The following PTPRN2 variants were observed in gnomAD, a reference collection of about 807,000 sequenced individuals.
PTPRN2 encodes the protein receptor-type tyrosine-protein phosphatase N2.
In PTPRN2, 74 loss-of-function variants were observed where a neutral mutation model predicts 118.8. The ratio of observed to expected loss-of-function variants is 0.62; its 90% CI spans 0.52 to 0.76. The LOEUF (loss-of-function observed/expected upper bound fraction) is 0.76, where lower values mean the gene tolerates loss of function less well. Among genes scored for constraint, PTPRN2 ranks in the 30% least tolerant of loss-of-function variants. The probability of loss-of-function intolerance (pLI) is 0.00; values close to 1 mark genes in which losing one functional copy is unlikely to be tolerated. For synonymous variants in PTPRN2, 641 were observed against 608.0 expected (o/e 1.05, Z -0.80); for missense variants, 1,481 against 1,394.4 (o/e 1.06, Z -0.99).
At chr7:158,459,210 T>A (rs542524469) in intron 2 of PTPRN2, among the ~76,000 whole-genome samples, 18 of 91,002 alleles carry the variant, frequency 2.0e-4, no homozygotes, top group African/African-American at 5.9e-4. Context: ...CAAGCACACA[T>A]GCATGCTGCA....
chr7:157,927,246 G>A (rs74670293), intron 11 of PTPRN2, among the ~76,000 whole-genome samples: 1,707 of 32,110 alleles, frequency 0.053, 559 homozygotes, highest in Middle Eastern at 0.083. Context: ...CAGAGGCCTC[G>A]CGTCTTCTGG....
rs1187190549 is a variant in PTPRN2 at position 157,986,259 on chromosome 7, A to G, written c.1724-87522T>C. ...ACGAGTCACTGTTGGATGTGAGGCA[A>G]CGTGAAGGCTCCACCACTAGGACCC... is the stretch of plus-strand genomic sequence containing the variant. On this transcript the variant is annotated intron_variant, in intron 11 of 22. Coordinates refer to ENST00000389418, the MANE Select transcript of PTPRN2 (RefSeq NM_002847.5). The surrounding 1 kb of genome is among the most constrained non-coding windows in gnomAD (Gnocchi z 4.5). 1.3e-5 allele frequency among the ~76,000 whole-genome samples: 2 copies of G among 152,200 alleles called. No homozygotes were observed. Among genetic ancestry groups the G allele is most frequent in the African/African-American group, 2.4e-5 (1 of 41,448 alleles).
chr7:158,183,106 C>A (rs1824853104), intron 5 of PTPRN2, among the ~76,000 whole-genome samples: 1 of 152,160 alleles, frequency 6.6e-6, no homozygotes, highest in Admixed American at 6.5e-5. Context: ...TATTAGAATG[C>A]TCCTGCTCAC....
In PTPRN2 at chr7:158,155,194, A is replaced by G. The variant is rs75231583; in HGVS notation, c.910+11737T>C. Among the ~76,000 whole-genome samples the G allele has an allele frequency of 9.1e-3, 1,393 of 152,336 alleles. 27 individuals carry two copies. Among genetic ancestry groups the G allele is most frequent in the African/African-American group, 0.031 (1,299 of 41,578 alleles). ...AAGAGATCAGCTCACATGACTCTGC[A>G]TTCTCAACTGCCACAGCCAGGCCTA... On this transcript the variant is annotated intron_variant, in intron 6 of 22. Coordinates refer to ENST00000389418, the MANE Select transcript of PTPRN2 (RefSeq NM_002847.5).
At chr7:158,333,925 TCTCAC>T (rs1805045857) in intron 2 of PTPRN2, among the ~76,000 whole-genome samples, 2 of 121,230 alleles carry the variant, frequency 1.6e-5, no homozygotes, top group Non-Finnish European at 3.4e-5. Context: ...ACACCCACAC[TCTCAC>T]CATAAGAGCT....
In PTPRN2 at chr7:158,332,326, GAGCTGAGGCCCACAGAGGACACTC is replaced by G. The variant is rs1804643906; in HGVS notation, c.164-15418_164-15395del. ...ACTCACACCCACACTCTCACCATAAGAGCTGAGGCCCACAGAGGACACTCACACCCACACTCTCACCATAAGAGG... is the reference window on the plus strand; with the variant it reads ...ACTCACACCCACACTCTCACCATAAGACACCCACACTCTCACCATAAGAGG... On this transcript the variant is annotated intron_variant, in intron 2 of 22. Transcript: ENST00000389418. 1.9e-4 allele frequency among the ~76,000 whole-genome samples: 9 copies of G among 47,864 alleles called. No homozygotes were observed. The Admixed American group carries it at 2.7e-3, about 15-fold the overall frequency. The allele number at this position is 47,864 out of a possible 152,430, so 31.4% of individuals were successfully genotyped here. A position where few individuals can be genotyped will look rare whatever the true frequency, so the allele number is the denominator to read the frequency against.
chr7:157,829,944 C>T (rs1324949494), intron 12 of PTPRN2, among the ~76,000 whole-genome samples: 2 of 152,218 alleles, frequency 1.3e-5, no homozygotes, highest in African/African-American at 4.8e-5. Flanking sequence ...TGTCTGTGGG[C>T]CGTGCTTCTA....
At chr7:158,160,244 A>G (rs1037351107) in intron 6 of PTPRN2, among the ~76,000 whole-genome samples, 1 of 152,080 alleles carries the variant, frequency 6.6e-6, no homozygotes, top group East Asian at 1.9e-4. Context: ...CTCCAGGGAG[A>G]TTGGGGTGGA....
At chr7:157,957,794 G>A (rs1426399128) in intron 11 of PTPRN2, among the ~76,000 whole-genome samples, 1 of 152,028 alleles carries the variant, frequency 6.6e-6, no homozygotes, top group South Asian at 2.1e-4. Context: ...CTGGTTTGAT[G>A]GATAAATTTT....
chr7:158,545,987 A>AAAAG lies in PTPRN2; in HGVS notation c.112+41567_112+41570dup, dbSNP rs201172440. Among the ~76,000 whole-genome samples the AAAAG allele has an allele frequency of 1.6e-3, 246 of 152,296 alleles. 8 individuals are homozygous for AAAAG. In the East Asian group the frequency reaches 0.031, roughly 19 times the overall value. On this transcript the variant is annotated intron_variant, in intron 1 of 22. Transcript: ENST00000389418. ...GCATTCCAGCCTGGGTGTCTCAAAA[A>AAAAG]AAAGAAAGAAAGAAAGAAAAATTCA...
intron 3 of PTPRN2, among the ~76,000 whole-genome samples, chr7:158,258,213 T>G (rs1349302589): frequency 6.6e-6 from 1 of 152,084 alleles, no homozygotes; most frequent in Non-Finnish European, 1.5e-5. Flanking sequence ...ACACCACATT[T>G]CCTCCGCTCT....
chr7:158,512,543 C>A (rs1465061657), intron 1 of PTPRN2, among the ~76,000 whole-genome samples: 1 of 152,176 alleles, frequency 6.6e-6, no homozygotes, highest in Non-Finnish European at 1.5e-5. Context: ...CATGCACACA[C>A]TCACACACAT....
chr7:158,216,368 G>A (rs1014927793), intron 3 of PTPRN2, among the ~76,000 whole-genome samples: 1 of 151,600 alleles, frequency 6.6e-6, no homozygotes, highest in African/African-American at 2.4e-5. Flanking sequence ...ATCCTAACAT[G>A]TTAATAATTA....
At chr7:157,829,749 G>A (rs1010396918) in intron 12 of PTPRN2, among the ~76,000 whole-genome samples, 3 of 152,240 alleles carry the variant, frequency 2.0e-5, no homozygotes, top group Non-Finnish European at 4.4e-5. Context: ...GAGAGCAGCC[G>A]CATTGAAGGT....
intron 11 of PTPRN2, among the ~76,000 whole-genome samples, chr7:158,064,815 C>T (rs1358428231): frequency 6.6e-6 from 1 of 152,106 alleles, no homozygotes; most frequent in African/African-American, 2.4e-5. Context: ...CAAGTCACAG[C>T]GTGGCTCTGT....
chr7:158,225,324 G>A (rs560948553), intron 3 of PTPRN2, among the ~76,000 whole-genome samples: 78 of 152,020 alleles, frequency 5.1e-4, no homozygotes, highest in Non-Finnish European at 7.6e-4. Flanking sequence ...GGGAACCACC[G>A]AGTCCCTCAG....
chr7:158,073,209 G>A (rs559369494), intron 11 of PTPRN2, among the ~76,000 whole-genome samples: 7 of 152,308 alleles, frequency 4.6e-5, no homozygotes, highest in East Asian at 1.9e-4. Context: ...TGCTTCTGTC[G>A]AGTTGCCATG....
At chr7:158,080,922 G>C (rs922011593) in intron 11 of PTPRN2, among the ~76,000 whole-genome samples, 4 of 152,116 alleles carry the variant, frequency 2.6e-5, no homozygotes, top group African/African-American at 4.8e-5. Context: ...AAGCAAAATT[G>C]CACGTGCTCT....
chr7:157,961,865 A>G (rs1801561423), intron 11 of PTPRN2, among the ~76,000 whole-genome samples: 1 of 152,146 alleles, frequency 6.6e-6, no homozygotes, highest in Non-Finnish European at 1.5e-5. Context: ...AGTGGGAAAG[A>G]GGCTTCCTGA....
Sources: allele counts gnomAD v4.1 joint callset (sites outside exome capture counted in the v4.1 genomes callset), GRCh38; gene constraint gnomAD v4.1.1; non-coding constraint Gnocchi (gnomAD v3.1); transcripts MANE v1.5; gene names NCBI Gene and HGNC (gene_info 2026-07-23, HGNC 2026-07-21).